ACSM3: variants seen among roughly 807,000 people sequenced by gnomAD.
ACSM3 encodes the protein acyl-coenzyme A synthetase ACSM3, mitochondrial.
ACSM3 carries 61 observed loss-of-function variants against 74.1 expected under a neutral mutation model. That is an observed-to-expected ratio of 0.82 (90% CI 0.67 to 1.02). ACSM3 has a LOEUF of 1.02. ACSM3 is among the 50% of genes least tolerant of loss of function. ACSM3 has a pLI of 0.00. For synonymous variants in ACSM3, 213 were observed against 241.5 expected (o/e 0.88, Z 1.09); for missense variants, 660 against 697.0 (o/e 0.95, Z 0.60).
chr16:20,717,749 G>T (rs1028253488), intron 1 of ACSM3, among the ~76,000 whole-genome samples: 1 of 151,272 alleles, frequency 6.6e-6, no homozygotes, highest in Admixed American at 6.6e-5. Flanking sequence ...ATGTCCTTTT[G>T]TTATTAATAT....
chr16:20,712,843 G>A (rs1247877089), intron 1 of ACSM3, among the ~76,000 whole-genome samples: 10 of 151,660 alleles, frequency 6.6e-5, no homozygotes, highest in Non-Finnish European at 8.8e-5. Context: ...AACCTGGGCA[G>A]TGGAGGTTTC....
At chr16:20,778,923 T>C (rs750220637) in intron 4 of ACSM3, among the ~76,000 whole-genome samples, 22 of 152,190 alleles carry the variant, frequency 1.4e-4, no homozygotes, top group Non-Finnish European at 3.2e-4. Context: ...CCTAATCTTT[T>C]TGTATTTTTA....
At chr16:20,757,871 T>C (rs898927626) in intron 3 of ACSM3, among the ~76,000 whole-genome samples, 1 of 151,258 alleles carries the variant, frequency 6.6e-6, no homozygotes, top group African/African-American at 2.4e-5. Context: ...TCAAAGGCCT[T>C]TTCTGCATCT....
At chr16:20,726,814 C>T (rs951326092) in intron 1 of ACSM3, among the ~76,000 whole-genome samples, 1 of 152,180 alleles carries the variant, frequency 6.6e-6, no homozygotes, top group African/African-American at 2.4e-5. Context: ...AAGTGACTTG[C>T]TTGGTGAGAT....
chr16:20,745,165 G>A (rs1271276144), intron 1 of ACSM3, among the ~76,000 whole-genome samples: 2 of 151,954 alleles, frequency 1.3e-5, no homozygotes, highest in Non-Finnish European at 2.9e-5. Flanking sequence ...TTATTCTTTA[G>A]ACTACATCTA....
At chr16:20,722,504 G>T (rs909344016) in intron 1 of ACSM3, among the ~76,000 whole-genome samples, 3 of 152,100 alleles carry the variant, frequency 2.0e-5, no homozygotes, top group African/African-American at 7.2e-5. Flanking sequence ...TCTTATGGAA[G>T]AATAATGAGC....
chr16:20,762,347 C>A (rs1392215734), upstream of ACSM3, among the ~76,000 whole-genome samples: 1 of 150,452 alleles, frequency 6.6e-6, no homozygotes, highest in South Asian at 2.1e-4. Context: ...AGAAAAAAAT[C>A]AAAGAACTGG....
In ACSM3 at chr16:20,777,484, T is replaced by C. The variant is rs745959106; in HGVS notation, c.542T>C (p.Val181Ala). The change falls in exon 4 of 14, where the codon GTA becomes GCA. Residue 181 changes from valine (V) to alanine (A), a missense_variant. Physicochemically the swap from Val to Ala is moderately conservative, Grantham distance 64. Coordinates refer to ENST00000289416, the MANE Select transcript of ACSM3 (RefSeq NM_005622.4). ...IITNDVLAPAVDAVASKCENL... is the reference protein window; with the variant it reads ...IITNDVLAPAADAVASKCENL... ...ACCAATGATGTTTTAGCCCCAGCAG[T>C]AGACGCTGTTGCATCCAAATGTGAA... 1.1e-5 allele frequency: 17 copies of C among 1,614,066 alleles called. 1 individual carries two copies. In the South Asian group the frequency reaches 1.8e-4, roughly 17 times the overall value.
intron 1 of ACSM3, among the ~76,000 whole-genome samples, chr16:20,726,130 T>C (rs1182276404): frequency 1.3e-5 from 2 of 152,080 alleles, no homozygotes; most frequent in African/African-American, 4.8e-5. Flanking sequence ...AAAAAATTTA[T>C]CCTCTAGTAC....
chr16:20,715,036 G>T (rs1352203940), intron 1 of ACSM3, among the ~76,000 whole-genome samples: 1 of 152,154 alleles, frequency 6.6e-6, no homozygotes, highest in South Asian at 2.1e-4. Flanking sequence ...TAGATGAAAG[G>T]TAAGTAGGTA....
intron 3 of ACSM3, among the ~76,000 whole-genome samples, chr16:20,758,097 T>C (rs1023234280): frequency 3.3e-4 from 50 of 152,164 alleles, no homozygotes; most frequent in African/African-American, 1.2e-3. Context: ...TAAAATTCTC[T>C]TTTTTGGTTG....
chr16:20,792,272 G>A lies in ACSM3; in HGVS notation c.1491G>A (p.Leu497=), dbSNP rs1166467429. 1.2e-6 allele frequency: 2 copies of A among 1,613,984 alleles called. No individual in the cohort carries two copies. ...RIGPFEVENA[L]NEHPSVAESA... The stretch of plus-strand genomic sequence containing the variant: ...GACCATTTGAGGTAGAAAATGCCCT[G>A]AATGAACACCCTTCAGTTGCAGAGT... The change falls in exon 12 of 14, where the codon CTG becomes CTA. Residue 497 remains leucine (L), a synonymous_variant. Coordinates refer to ENST00000289416, the MANE Select transcript of ACSM3 (RefSeq NM_005622.4).
At chr16:20,738,704 C>T (rs1050991294) in intron 1 of ACSM3, 2 of 612,018 alleles carry the variant, frequency 3.3e-6, no homozygotes, top group Admixed American at 3.1e-5. Context: ...CAGGTTTCCA[C>T]TCATAAGCCA....
At chr16:20,771,810 A>C (rs2080197391) in intron 2 of ACSM3, among the ~76,000 whole-genome samples, 1 of 152,128 alleles carries the variant, frequency 6.6e-6, no homozygotes, top group Admixed American at 6.5e-5. Flanking sequence ...AGAGGCCCTT[A>C]TATTGTTTTC....
chr16:20,731,622 G>T, intron 1 of ACSM3: 1 of 336,844 alleles, frequency 3.0e-6, no homozygotes, highest in South Asian at 8.7e-5. Context: ...TGTTGCAGGT[G>T]GTGAAAGCTT....
chr16:20,737,040 G>A, intron 1 of ACSM3: 1 of 1,614,028 alleles, frequency 6.2e-7, no homozygotes, highest in Non-Finnish European at 8.5e-7. Context: ...TTTTCCTTCT[G>A]CTGTGTTGTT....
chr16:20,679,470 TA>T (rs1334925526), intron 1 of ACSM3: 1 of 152,256 alleles, frequency 6.6e-6, no homozygotes, highest in Non-Finnish European at 1.5e-5. Flanking sequence ...ATAAAATTTA[TA>T]AGCCTAGTTA....
chr16:20,742,008 G>A (rs2079931881), intron 1 of ACSM3: 1 of 1,484,646 alleles, frequency 6.7e-7, no homozygotes, highest in Admixed American at 2.1e-5. Context: ...TCTGGAAGTG[G>A]TGTCGGTGGC....
intron 1 of ACSM3, among the ~76,000 whole-genome samples, chr16:20,744,004 T>A (rs554043973): frequency 9.2e-5 from 14 of 152,384 alleles, no homozygotes; most frequent in African/African-American, 3.4e-4. Context: ...TTAGGCTAAA[T>A]TTAAGTTTGG....
Sources: allele counts gnomAD v4.1 joint callset (sites outside exome capture counted in the v4.1 genomes callset), GRCh38; gene constraint gnomAD v4.1.1; transcripts MANE v1.5; gene names NCBI Gene and HGNC (gene_info 2026-07-23, HGNC 2026-07-21).